Variants in CBR1 observed in about 807,000 individuals in gnomAD.
The protein encoded by CBR1 is carbonyl reductase [NADPH] 1.
Under a neutral mutation model 10.6 loss-of-function variants are expected in CBR1, and 11 were observed. That is an observed-to-expected ratio of 1.03 (90% CI 0.65 to 1.71). The LOEUF is 1.71. Among genes scored for constraint, CBR1 ranks in the 40% most tolerant of loss-of-function variants. The pLI is 0.00. For missense variants in CBR1, 361 were observed against 368.6 expected, an observed-to-expected ratio of 0.98 and a Z score of 0.17; for synonymous variants, 158 against 156.7, an observed-to-expected ratio of 1.01 and a Z score of -0.06.
chr21:36,072,721 G>T lies in CBR1; in HGVS notation c.673G>T (p.Ala225Ser). The change falls in exon 3 of 3, where the codon GCC becomes TCC. Residue 225 changes from alanine to serine, a missense_variant. Transcript: ENST00000290349. ...GAAAGGGGACAAGATCCTCCTGAAT[G>T]CCTGCTGCCCAGGGTGGGTGAGAAC... ...QRKGDKILLN[A>S]CCPGWVRTDM... is the part of the protein sequence containing the mutation. The T allele has an allele frequency of 6.2e-7, 1 of 1,614,182 alleles. No homozygotes were observed. The highest frequency in any genetic ancestry group is 8.5e-7 in the Non-Finnish European group (1 of 1,180,038).
At chr21:36,072,371 C>A (rs1254807320) in intron 2 of CBR1, 75 bp from the exon 3 acceptor site, 1 of 1,612,952 alleles carries the variant, frequency 6.2e-7, no homozygotes, top group South Asian at 1.1e-5. Flanking sequence ...CTCCAAAATC[C>A]CTGCAAATTT....
At chr21:36,071,434 A>AC in intron 2 of CBR1, 1 of 588,420 alleles carries the variant, frequency 1.7e-6, no homozygotes, top group Non-Finnish European at 3.0e-6. Context: ...AGGCTTTACT[A>AC]CCACCAGTTC....
chr21:36,070,146 A>T lies in CBR1; in HGVS notation c.31A>T (p.Thr11Ser). The change falls in exon 1 of 3, where the codon ACT becomes TCT. Residue 11 changes from threonine (T) to serine (S), a missense_variant. Physicochemically the swap from Thr to Ser is moderately conservative, Grantham distance 58 (BLOSUM62 1). Coordinates refer to ENST00000290349, the MANE Select transcript of CBR1 (RefSeq NM_001757.4). The part of the protein sequence containing the change: MSSGIHVALV[T>S]GGNKGIGLAI... ...GTCCGGCATCCATGTAGCGCTGGTG[A>T]CTGGAGGCAACAAGGGCATCGGCTT... 6.4e-7 allele frequency: 1 copy of T among 1,566,712 alleles called. No homozygotes were observed. Among genetic ancestry groups the T allele is most frequent in the Non-Finnish European group, 8.6e-7 (1 of 1,157,122 alleles).
At position 36,070,348 on chromosome 21, in the gene CBR1, G is replaced by T. The variant is rs1048322369; in HGVS notation, c.233G>T (p.Arg78Leu). 2 of 1,613,222 alleles carry T rather than the reference G, an allele frequency of 1.2e-6. No individual in the cohort carries two copies. The highest frequency in any genetic ancestry group is 1.7e-6 in the Non-Finnish European group (2 of 1,179,884). ...QSIRALRDFLRKEYGGLDVLV... is the reference protein window; with the variant it reads ...QSIRALRDFLLKEYGGLDVLV... The stretch of plus-strand genomic sequence containing the variant: ...ATCCGCGCCCTGCGCGACTTCCTGC[G>T]CAAGGAGTACGGGGGCCTGGACGTG... The change falls in exon 1 of 3, where the codon CGC (arginine) becomes CTC (leucine). Residue 78 changes from arginine (R) to leucine (L), a missense_variant. By Grantham distance (102) the Arg-to-Leu change is moderately radical (BLOSUM62 -2). Coordinates refer to ENST00000290349, the MANE Select transcript of CBR1 (RefSeq NM_001757.4).
At chr21:36,071,328 G>A in intron 2 of CBR1, 1 of 629,410 alleles carries the variant, frequency 1.6e-6, no homozygotes, top group Admixed American at 2.5e-5. Context: ...AACGTCTCCT[G>A]AGAGATGCTC....
At chr21:36,070,429 C>G (rs41540212) in intron 1 of CBR1, 25 bp downstream of exon 1, 8 of 1,556,862 alleles carry the variant, frequency 5.1e-6, no homozygotes, top group Non-Finnish European at 6.9e-6. Flanking sequence ...CGTGGCCTCC[C>G]CGAAGAAGAA....
Position 36,070,316 on chromosome 21 carries a change from G to T in CBR1, c.201G>T (p.Leu67=), listed in dbSNP as rs1367719898. 3.7e-6 allele frequency: 6 copies of T among 1,613,356 alleles called. No individual in the cohort carries two copies. Among genetic ancestry groups the T allele is most frequent in the Non-Finnish European group, 4.2e-6 (5 of 1,179,998 alleles). The change falls in exon 1 of 3, where the codon CTG becomes CTT. Residue 67 remains leucine (L), a synonymous_variant. Coordinates refer to ENST00000290349, the MANE Select transcript of CBR1 (RefSeq NM_001757.4). Reference sequence around the variant, plus strand: ...TCCACCAGCTGGACATCGACGATCTGCAGAGCATCCGCGCCCTGCGCGACT... The same window carrying T: ...TCCACCAGCTGGACATCGACGATCTTCAGAGCATCCGCGCCCTGCGCGACT... The part of the protein sequence containing the change: ...PRFHQLDIDD[L]QSIRALRDFL...
At chr21:36,070,459 G>T in intron 1 of CBR1, 55 bp downstream of exon 1, 1 of 1,512,326 alleles carries the variant, frequency 6.6e-7, no homozygotes. Flanking sequence ...TGGGGCTCCT[G>T]GCGTCTGCGG....
At chr21:36,071,329 A>G in intron 2 of CBR1, 1 of 627,924 alleles carries the variant, frequency 1.6e-6, no homozygotes, top group Admixed American at 2.6e-5. Context: ...ACGTCTCCTG[A>G]GAGATGCTCT....
In CBR1 at chr21:36,072,595, G is replaced by A. The variant is rs555473871; in HGVS notation, c.547G>A (p.Val183Met). Residue 183 changes from valine (V) to methionine (M), a missense_variant, in exon 3 of 3, where the codon GTG (valine) becomes ATG (methionine). By Grantham distance (21) the Val-to-Met change is conservative. Coordinates refer to ENST00000290349, the MANE Select transcript of CBR1 (RefSeq NM_001757.4). ...GTTTGTGGAGGATACAAAGAAGGGAGTGCACCAGAAGGAGGGCTGGCCCAG... is the reference window on the plus strand; with the variant it reads ...GTTTGTGGAGGATACAAAGAAGGGAATGCACCAGAAGGAGGGCTGGCCCAG... ...NKFVEDTKKG[V>M]HQKEGWPSSA... The A allele has an allele frequency of 2.5e-6, 4 of 1,603,732 alleles. No homozygotes were observed. Among genetic ancestry groups the A allele is most frequent in the African/African-American group, 1.3e-5 (1 of 74,446 alleles).
Position 36,070,276 on chromosome 21 carries a change from G to A in CBR1, c.161G>A (p.Gly54Asp), listed in dbSNP as rs1315732436. The A allele has an allele frequency of 2.4e-5, 39 of 1,612,158 alleles. No individual in the cohort carries two copies. The highest frequency in any genetic ancestry group is 2.8e-5 in the Non-Finnish European group (33 of 1,179,854). ...QAAVQQLQAE[G>D]LSPRFHQLDI... The stretch of plus-strand genomic sequence containing the variant: ...GCCGTACAGCAGCTGCAGGCGGAGG[G>A]CCTGAGCCCGCGCTTCCACCAGCTG... Residue 54 changes from glycine to aspartate, a missense_variant, in exon 1 of 3, where the codon GGC (glycine) becomes GAC (aspartate). Transcript: ENST00000290349.
Position 36,072,669 on chromosome 21 carries a change from C to G in CBR1, c.621C>G (p.Ile207Met), listed in dbSNP as rs1040147297. The change falls in exon 3 of 3, where the codon ATC becomes ATG. Residue 207 changes from isoleucine (I) to methionine (M), a missense_variant. By Grantham distance (10) the Ile-to-Met change is conservative (BLOSUM62 1). Coordinates refer to ENST00000290349, the MANE Select transcript of CBR1 (RefSeq NM_001757.4). Reference sequence around the variant, plus strand: ...TTGGCGTCACCGTTCTGTCCAGGATCCACGCCAGGAAACTGAGTGAGCAGA... The same window carrying G: ...TTGGCGTCACCGTTCTGTCCAGGATGCACGCCAGGAAACTGAGTGAGCAGA... ...TKIGVTVLSRIHARKLSEQRK... is the reference protein window; with the variant it reads ...TKIGVTVLSRMHARKLSEQRK... 19 of 1,613,962 alleles carry G rather than the reference C, an allele frequency of 1.2e-5. No homozygotes were observed. Among genetic ancestry groups the G allele is most frequent in the Non-Finnish European group, 1.6e-5 (19 of 1,179,936 alleles).
Position 36,071,085 on chromosome 21 carries a change from T to G in CBR1, c.397+28T>G, listed in dbSNP as rs1321077734. 4 of 1,462,658 alleles carry G rather than the reference T, an allele frequency of 2.7e-6. No individual in the cohort carries two copies. In the Admixed American group the frequency reaches 6.7e-5, roughly 24 times the overall value. The allele number at this position is 1,462,658 out of a possible 1,614,324, so 90.6% of individuals were successfully genotyped here. On this transcript the variant is annotated intron_variant, in intron 2 of 2. Coordinates refer to ENST00000290349, the MANE Select transcript of CBR1 (RefSeq NM_001757.4). ...GAGTCTGATGGGAAACAGCGCACCT[T>G]CTCTTTGGGGCTTGATTTGGCCCCT...
In CBR1 at chr21:36,070,332, C is replaced by G. The variant is rs558896125; in HGVS notation, c.217C>G (p.Leu73Val). ...DIDDLQSIRA[L>V]RDFLRKEYGG... ...CGACGATCTGCAGAGCATCCGCGCC[C>G]TGCGCGACTTCCTGCGCAAGGAGTA... The change falls in exon 1 of 3, where the codon CTG becomes GTG. Residue 73 changes from leucine to valine, a missense_variant. Transcript: ENST00000290349. The G allele has an allele frequency of 2.5e-6, 4 of 1,613,256 alleles. No homozygotes were observed. Among genetic ancestry groups the G allele is most frequent in the Non-Finnish European group, 8.5e-7 (1 of 1,179,956 alleles).
At position 36,070,928 on chromosome 21, in the gene CBR1, T is replaced by C. The variant is rs984885312; in HGVS notation, c.290-22T>C. 5 of 1,472,806 alleles carry C rather than the reference T, an allele frequency of 3.4e-6. No individual in the cohort carries two copies. In the African/African-American group the frequency reaches 5.6e-5, roughly 16 times the overall value. The allele number at this position is 1,472,806 out of a possible 1,614,324, so 91.2% of individuals were successfully genotyped here. ...CCCCATGGGTACAATGTATTAACTA[T>C]GTTCTCTTTCTCTCCTAAAAGTTGC... On this transcript the variant is annotated intron_variant, in intron 1 of 2. Transcript: ENST00000290349.
At chr21:36,071,586 C>G (rs1265601180) in intron 2 of CBR1, 5 of 578,418 alleles carry the variant, frequency 8.6e-6, no homozygotes, top group Non-Finnish European at 1.5e-5. Flanking sequence ...ATCCTTTTCC[C>G]TAAGTCGTTT....
chr21:36,070,263 C>T lies in CBR1; in HGVS notation c.148C>T (p.Leu50=), dbSNP rs536331017. The change falls in exon 1 of 3, where the codon CTG becomes TTG. Residue 50 remains leucine (L), a synonymous_variant. Transcript: ENST00000290349. Reference sequence around the variant, plus strand: ...GCGGGGCCAGGCGGCCGTACAGCAGCTGCAGGCGGAGGGCCTGAGCCCGCG... The same window carrying T: ...GCGGGGCCAGGCGGCCGTACAGCAGTTGCAGGCGGAGGGCCTGAGCCCGCG... The part of the protein sequence containing the change: ...VTRGQAAVQQ[L]QAEGLSPRFH... 7 of 1,611,992 alleles carry T rather than the reference C, an allele frequency of 4.3e-6. No homozygotes were observed. The South Asian group carries it at 5.5e-5, about 13-fold the overall frequency.
chr21:36,073,142 G>T lies in CBR1; in HGVS notation c.*260G>T, dbSNP rs1039813275. 3.8e-5 allele frequency: 14 copies of T among 372,562 alleles called. No homozygotes were observed. The highest frequency in any genetic ancestry group is 2.5e-4 in the African/African-American group (12 of 48,316). 23.1% of individuals were successfully genotyped at this position (372,562 alleles called of 1,614,324 possible). On this transcript the variant is annotated 3_prime_UTR_variant, in exon 3 of 3. Transcript: ENST00000290349. ...AAATAATGAATGAAAATCAACAGAT[G>T]AATAAATGGTTCTTTATAAGTGTCC...
At chr21:36,070,903 C>A in intron 1 of CBR1, 47 bp from the exon 2 acceptor site, 12 of 986,442 alleles carry the variant, frequency 1.2e-5, no homozygotes, top group Non-Finnish European at 1.7e-5. Context: ...TAGAATTTTA[C>A]CCCATGGGTA....
Sources: gnomAD v4.1 joint callset for allele counts on GRCh38, gnomAD v4.1.1 for gene constraint, MANE v1.5 for transcripts, NCBI Gene and HGNC (gene_info 2026-07-23, HGNC 2026-07-21) for gene names.